PSIP1: variants seen among roughly 807,000 people sequenced by gnomAD.
PSIP1 encodes the protein PC4 and SRSF1 interacting protein 1.
PSIP1 carries 19 observed loss-of-function variants against 74.7 expected under a neutral mutation model. The observed-to-expected ratio is 0.25, with a 90% CI of 0.18 to 0.37. The LOEUF is 0.37. PSIP1 is among the 10% of genes least tolerant of loss of function. PSIP1 has a pLI of 1.00. For missense variants in PSIP1, 601 were observed against 614.3 expected (o/e 0.98, Z 0.23); for synonymous variants, 222 against 195.3 (o/e 1.14, Z -1.14).
At position 15,474,103 on chromosome 9, in the gene PSIP1, T is replaced by C; in HGVS notation, c.764A>G (p.Lys255Arg). The change falls in exon 9 of 16, where the codon AAA becomes AGA. Residue 255 changes from lysine to arginine, a missense_variant. By Grantham distance (26) the Lys-to-Arg change is conservative (BLOSUM62 2). Coordinates refer to ENST00000380733, the MANE Select transcript of PSIP1 (RefSeq NM_033222.5). ...ATTTTTCCTTTTTGATTCAACTTCT[T>C]TCTTCCCCTCTTTTTTATCCGGCTC... ...RKEPDKKEGK[K>R]EVESKRKNLA... 6.2e-7 allele frequency: 1 copy of C among 1,613,746 alleles called. No individual in the cohort carries two copies. The highest frequency in any genetic ancestry group is 8.5e-7 in the Non-Finnish European group (1 of 1,179,858).
chr9:15,488,812 G>T (rs1407553527), intron 4 of PSIP1, among the ~76,000 whole-genome samples: 1 of 151,190 alleles, frequency 6.6e-6, no homozygotes, highest in African/African-American at 2.4e-5. Flanking sequence ...ACAAGGTCAG[G>T]AGATCGAGAC....
At chr9:15,488,913 C>G (rs960858169) in intron 4 of PSIP1, among the ~76,000 whole-genome samples, 6 of 152,022 alleles carry the variant, frequency 3.9e-5, no homozygotes, top group African/African-American at 1.4e-4. Flanking sequence ...CCCAGCTACT[C>G]GGAAGGCTGA....
chr9:15,484,147 AC>A (rs1218704236), intron 6 of PSIP1, among the ~76,000 whole-genome samples: 10 of 150,892 alleles, frequency 6.6e-5, no homozygotes, highest in East Asian at 1.9e-4. Context: ...AAAAAAAAAA[AC>A]AAATTTATAT....
At chr9:15,499,801 G>C (rs2132200795) in intron 3 of PSIP1, among the ~76,000 whole-genome samples, 1 of 151,334 alleles carries the variant, frequency 6.6e-6, no homozygotes, top group South Asian at 2.1e-4. Flanking sequence ...TTGAACCCGG[G>C]AGGCAGAGGT....
chr9:15,500,615 T>C (rs577668827), intron 3 of PSIP1, among the ~76,000 whole-genome samples: 1 of 152,232 alleles, frequency 6.6e-6, no homozygotes, highest in African/African-American at 2.4e-5. Context: ...TATCCTAAGA[T>C]TCATTACTTT....
chr9:15,510,805 T>G lies in PSIP1; in HGVS notation c.-142+12A>C, dbSNP rs1224036606. ...GAGGGGGGGGCGGGGCGAGTCCCCG[T>G]CGCCCGCTCACCTGCCGGGGCCGCG... On this transcript the variant is annotated intron_variant, in intron 1 of 15. Coordinates refer to ENST00000380733, the MANE Select transcript of PSIP1 (RefSeq NM_033222.5). The G allele has an allele frequency of 1.3e-5, 2 of 151,394 alleles. No homozygotes were observed. Among genetic ancestry groups the G allele is most frequent in the Non-Finnish European group, 2.9e-5 (2 of 67,858 alleles). The allele number at this position is 151,394 out of a possible 1,614,324, so 9.4% of individuals were successfully genotyped here. A position where few individuals can be genotyped will look rare whatever the true frequency, so the allele number is the denominator to read the frequency against.
At chr9:15,478,687 T>C (rs2036204577) in intron 7 of PSIP1, 135 bp from the exon 8 acceptor site, 7 of 588,546 alleles carry the variant, frequency 1.2e-5, no homozygotes, top group African/African-American at 1.9e-5. Context: ...TATTGCTAAA[T>C]TGAAAAAATA....
intron 3 of PSIP1, among the ~76,000 whole-genome samples, chr9:15,498,156 C>A (rs980724653): frequency 2.0e-5 from 3 of 152,168 alleles, no homozygotes; most frequent in African/African-American, 7.2e-5. Flanking sequence ...ACATTTGTAA[C>A]CCCAGCCCCA....
intron 6 of PSIP1, among the ~76,000 whole-genome samples, chr9:15,482,703 G>C (rs1317121647): frequency 6.6e-6 from 1 of 152,122 alleles, no homozygotes; most frequent in Non-Finnish European, 1.5e-5. Flanking sequence ...AAAGTGTTAA[G>C]GCATTTACTG....
At position 15,510,264 on chromosome 9, in the gene PSIP1, G is replaced by T; in HGVS notation, c.-76C>A. The stretch of plus-strand genomic sequence containing the variant: ...GCGGCGGCGCGGGGATGCGGGCGGC[G>T]GACGCGGGCCCAGCTACCGGGCCCG... On this transcript the variant is annotated 5_prime_UTR_variant, in exon 2 of 16. Coordinates refer to ENST00000380733, the MANE Select transcript of PSIP1 (RefSeq NM_033222.5). 1 of 1,409,328 alleles carries T rather than the reference G, an allele frequency of 7.1e-7. No individual in the cohort carries two copies. Among genetic ancestry groups the T allele is most frequent in the Non-Finnish European group, 9.7e-7 (1 of 1,026,602 alleles). The allele number at this position is 1,409,328 out of a possible 1,614,324, so 87.3% of individuals were successfully genotyped here.
intron 4 of PSIP1, among the ~76,000 whole-genome samples, chr9:15,487,594 G>A (rs2036610351): frequency 6.6e-6 from 1 of 152,052 alleles, no homozygotes; most frequent in East Asian, 1.9e-4. Flanking sequence ...AGAGCAAGAT[G>A]CTGTCTCCAA....
chr9:15,475,056 G>A (rs2036015935), intron 8 of PSIP1, among the ~76,000 whole-genome samples: 1 of 152,044 alleles, frequency 6.6e-6, no homozygotes, highest in Admixed American at 6.6e-5. Flanking sequence ...CAAATAACAA[G>A]CCCAACATCT....
intron 6 of PSIP1, among the ~76,000 whole-genome samples, chr9:15,485,516 C>T (rs2036523085): frequency 6.6e-6 from 1 of 152,096 alleles, no homozygotes; most frequent in Non-Finnish European, 1.5e-5. Flanking sequence ...AACAAAACTT[C>T]GTATATGGAA....
Position 15,472,766 on chromosome 9 carries a change from G to A in PSIP1, c.859-16C>T, listed in dbSNP as rs1159581826. On this transcript the variant is annotated splice_polypyrimidine_tract_variant and intron_variant, in intron 9 of 15. Coordinates refer to ENST00000380733, the MANE Select transcript of PSIP1 (RefSeq NM_033222.5). Reference sequence around the variant, plus strand: ...CTTTTCTCTTCTGTTTTGAGAATTAGGATGGTTTTATTTAACTATAAAGTC... The same window carrying A: ...CTTTTCTCTTCTGTTTTGAGAATTAAGATGGTTTTATTTAACTATAAAGTC... The A allele has an allele frequency of 2.2e-5, 35 of 1,594,372 alleles. No homozygotes were observed. In the East Asian group the frequency reaches 7.9e-4, roughly 36 times the overall value.
At chr9:15,474,477 A>C (rs1286774790) in intron 8 of PSIP1, among the ~76,000 whole-genome samples, 1 of 152,238 alleles carries the variant, frequency 6.6e-6, no homozygotes, top group Non-Finnish European at 1.5e-5. Flanking sequence ...TGTAAGAATA[A>C]ATTATGTTTA....
At chr9:15,471,151 T>C (rs1259493798) in intron 10 of PSIP1, 1 of 1,606,290 alleles carries the variant, frequency 6.2e-7, no homozygotes, top group Non-Finnish European at 8.5e-7. Flanking sequence ...TCCACTTGTA[T>C]TCTCTTTTCA....
chr9:15,485,731 A>T (rs1467702609), intron 6 of PSIP1, among the ~76,000 whole-genome samples: 1 of 152,228 alleles, frequency 6.6e-6, no homozygotes, highest in Non-Finnish European at 1.5e-5. Context: ...TGGAGTATAT[A>T]TTTCTACCCA....
At chr9:15,507,160 A>G (rs1420898004) in intron 2 of PSIP1, among the ~76,000 whole-genome samples, 2 of 152,236 alleles carry the variant, frequency 1.3e-5, no homozygotes, top group African/African-American at 2.4e-5. Context: ...TACTATGAAA[A>G]GATCCTTCAC....
Position 15,469,067 on chromosome 9 carries a change from C to G in PSIP1, c.1105-9G>C, listed in dbSNP as rs370307839. On this transcript the variant is annotated splice_polypyrimidine_tract_variant and intron_variant, in intron 12 of 15. Transcript: ENST00000380733. The stretch of plus-strand genomic sequence containing the variant: ...ATGCATCTGTTCACATCCTTCATGA[C>G]AAAACAGTAATTTCATAGCTGTTAA... 6.0e-5 allele frequency: 97 copies of G among 1,607,276 alleles called. No homozygotes were observed. Among genetic ancestry groups the G allele is most frequent in the Non-Finnish European group, 7.7e-5 (91 of 1,176,070 alleles).
Sources: gnomAD v4.1 joint callset for allele counts (sites outside exome capture counted in the v4.1 genomes callset) on GRCh38, gnomAD v4.1.1 for gene constraint, MANE v1.5 for transcripts, NCBI Gene and HGNC (gene_info 2026-07-23, HGNC 2026-07-21) for gene names.